Variants in ERAP1 observed in about 807,000 individuals in gnomAD.
ERAP1 encodes adipocyte-derived leucine aminopeptidase.
In ERAP1, 86 loss-of-function variants were observed where a neutral mutation model predicts 103.7. The ratio of observed to expected loss-of-function variants is 0.83; its 90% CI spans 0.70 to 0.99. The LOEUF (loss-of-function observed/expected upper bound fraction) is 0.99, where lower values mean the gene tolerates loss of function less well. ERAP1 is among the 50% of genes least tolerant of loss of function. The pLI is 0.00. For missense variants in ERAP1, 1,009 were observed against 1,128.4 expected (o/e 0.89, Z 1.52); for synonymous variants, 398 against 402.4 (o/e 0.99, Z 0.13).
chr5:96,912,757 G>A, the ERAP1 span: 1 of 1,600,906 alleles, frequency 6.2e-7, no homozygotes, highest in Non-Finnish European at 8.5e-7. Context: ...ACAAAATTCT[G>A]TATGCTTTGT....
rs770862712 is a variant in ERAP1 at position 96,763,353 on chromosome 5, TATGTGC to T, written c.2819-131_2819-126del. The T allele has an allele frequency of 1.1e-3, 842 of 737,550 alleles. 1 individual carries two copies. The highest frequency in any genetic ancestry group is 1.8e-3 in the Non-Finnish European group (724 of 395,720). 45.7% of individuals were successfully genotyped at this position (737,550 alleles called of 1,614,324 possible). On this transcript the variant is annotated intron_variant, in intron 19 of 19. Transcript: ENST00000296754. ...ACCAGTAAAATGCCCCGTGTGTGTGTATGTGCATGTGCATGTGCATGTGTGTATGTA... is the reference window on the plus strand; with the variant it reads ...ACCAGTAAAATGCCCCGTGTGTGTGTATGTGCATGTGCATGTGTGTATGTA...
chr5:96,766,708 A>G (rs1036915942), intron 19 of ERAP1, among the ~76,000 whole-genome samples: 4 of 152,198 alleles, frequency 2.6e-5, no homozygotes, highest in Admixed American at 1.3e-4. Flanking sequence ...TCGTAGGTCA[A>G]CCAGGCCTGT....
chr5:96,771,767 T>A, downstream of ERAP1: 1 of 994,134 alleles, frequency 1.0e-6, no homozygotes, highest in East Asian at 2.4e-5. Flanking sequence ...GTGTTATAGA[T>A]GAGAGAAGTG....
the ERAP1 span, among the ~76,000 whole-genome samples, chr5:96,817,237 T>C: frequency 1.3e-5 from 2 of 151,926 alleles, no homozygotes; most frequent in South Asian, 4.2e-4. Flanking sequence ...CAGAGCAGGA[T>C]AGAGAAGGGT....
intron 1 of ERAP1, among the ~76,000 whole-genome samples, chr5:96,806,466 T>A (rs2151012210): frequency 6.6e-6 from 1 of 152,316 alleles, no homozygotes; most frequent in Admixed American, 6.5e-5. Flanking sequence ...TTACACATGC[T>A]CACTCTCTCT....
At chr5:96,889,557 C>A in the ERAP1 span, 1 of 682,332 alleles carries the variant, frequency 1.5e-6, no homozygotes, top group South Asian at 1.7e-5. Context: ...CGAACTCTTT[C>A]CCAGGCTGAT....
chr5:96,824,950 C>T, the ERAP1 span, among the ~76,000 whole-genome samples: 4 of 152,176 alleles, frequency 2.6e-5, no homozygotes, highest in East Asian at 1.9e-4. Flanking sequence ...TGAGGTGGGA[C>T]GATCGATTGA....
At chr5:96,869,201 AC>A in the ERAP1 span, among the ~76,000 whole-genome samples, 1 of 151,924 alleles carries the variant, frequency 6.6e-6, no homozygotes, top group Non-Finnish European at 1.5e-5. Context: ...AGATAGAGTG[AC>A]CTGTCTTATT....
the ERAP1 span, among the ~76,000 whole-genome samples, chr5:96,878,861 G>C: frequency 1.1e-4 from 16 of 152,220 alleles, no homozygotes; most frequent in African/African-American, 3.4e-4. Context: ...CCCAGAGGCA[G>C]AGGTTGCAGT....
chr5:96,856,344 A>T, the ERAP1 span, among the ~76,000 whole-genome samples: 3 of 34,392 alleles, frequency 8.7e-5, no homozygotes, highest in Non-Finnish European at 1.2e-4. Context: ...AAAAAAAAAA[A>T]AAAAAATATA....
upstream of ERAP1, among the ~76,000 whole-genome samples, chr5:96,810,391 G>A (rs1015029250): frequency 1.3e-5 from 2 of 152,208 alleles, no homozygotes; most frequent in Non-Finnish European, 2.9e-5. Context: ...GTTAGATACT[G>A]TTAAATGCTA....
At chr5:96,889,856 ACACACACG>A in the ERAP1 span, among the ~76,000 whole-genome samples, 205 of 135,544 alleles carry the variant, frequency 1.5e-3, 2 homozygotes, top group African/African-American at 5.2e-3. Context: ...ACACACACAC[ACACACACG>A]CATTGCATAT....
intron 7 of ERAP1, 81 bp from the exon 8 acceptor site, chr5:96,792,273 G>T: frequency 2.1e-6 from 3 of 1,403,044 alleles, no homozygotes; most frequent in Non-Finnish European, 3.0e-6. Flanking sequence ...TTTTATCTGA[G>T]GCAAGAAGTC....
At chr5:96,777,670 C>T (rs1241163924) in intron 18 of ERAP1, among the ~76,000 whole-genome samples, 1 of 152,118 alleles carries the variant, frequency 6.6e-6, no homozygotes, top group African/African-American at 2.4e-5. Context: ...AATTCACAGT[C>T]GATTAAAAAT....
At chr5:96,902,478 T>C in the ERAP1 span, 3 of 627,454 alleles carry the variant, frequency 4.8e-6, no homozygotes, top group South Asian at 2.1e-5. Flanking sequence ...GAAGTTGTCA[T>C]TTATCCATAT....
chr5:96,790,370 A>C lies in ERAP1; in HGVS notation c.1453-3T>G, dbSNP rs1308144751. 5 of 1,613,968 alleles carry C rather than the reference A, an allele frequency of 3.1e-6. No individual in the cohort carries two copies. The highest frequency in any genetic ancestry group is 1.7e-4 in the Middle Eastern group (1 of 6,060). ...TTTACACCATCTGTAGGGCAAATCT[A>C]AAAACCAAAAATAAACACATCACTC... On this transcript the variant is annotated splice_polypyrimidine_tract_variant and splice_region_variant and intron_variant, in intron 9 of 18. Transcript: ENST00000443439.
chr5:96,884,007 T>G, the ERAP1 span: 1,635 of 1,347,440 alleles, frequency 1.2e-3, 17 homozygotes, highest in African/African-American at 0.021. Flanking sequence ...TAAAATTGCT[T>G]TCAGGATTTC....
intron 3 of ERAP1, among the ~76,000 whole-genome samples, chr5:96,799,261 A>G (rs897345938): frequency 2.0e-4 from 30 of 152,162 alleles, no homozygotes; most frequent in Non-Finnish European, 1.0e-4. Flanking sequence ...CCCATGCCCA[A>G]AAGCTTCAAT....
the ERAP1 span, among the ~76,000 whole-genome samples, chr5:96,826,903 A>G: frequency 6.6e-6 from 1 of 152,216 alleles, no homozygotes; most frequent in South Asian, 2.1e-4. Context: ...GTTGAAACAA[A>G]CTAGTTATAG....
Sources: gnomAD v4.1 joint callset for allele counts (sites outside exome capture counted in the v4.1 genomes callset) on GRCh38, gnomAD v4.1.1 for gene constraint, MANE v1.5 for transcripts, NCBI Gene and HGNC (gene_info 2026-07-23, HGNC 2026-07-21) for gene names.